Variants in SEPTIN9 observed in about 807,000 individuals in gnomAD.
SEPTIN9 encodes septin-9.
Under a neutral mutation model 56.6 loss-of-function variants are expected in SEPTIN9, and 13 were observed. That is an observed-to-expected ratio of 0.23 (90% confidence interval 0.15 to 0.37). The LOEUF (loss-of-function observed/expected upper bound fraction) is 0.37, where lower values mean the gene tolerates loss of function less well. Ranked by LOEUF, SEPTIN9 falls within the 10% of genes least tolerant of loss-of-function variation. The pLI, the probability that SEPTIN9 is intolerant of heterozygous loss-of-function variation, is 1.00. For synonymous variants in SEPTIN9, 332 were observed against 334.1 expected, an observed-to-expected ratio of 0.99 and a Z score of 0.07; for missense variants, 650 against 823.1, an observed-to-expected ratio of 0.79 and a Z score of 2.57.
At chr17:77,484,445 A>ATGG (rs759303678) in intron 4 of SEPTIN9, among the ~76,000 whole-genome samples, 1 of 61,550 alleles carries the variant, frequency 1.6e-5, no homozygotes, top group Non-Finnish European at 3.1e-5. Flanking sequence ...GATGGTGGTG[A>ATGG]TGGTGGTGGT....
At chr17:77,355,944 T>G (rs1195406342) in intron 2 of SEPTIN9, among the ~76,000 whole-genome samples, 8 of 139,458 alleles carry the variant, frequency 5.7e-5, no homozygotes, top group Non-Finnish European at 1.1e-4. Context: ...ATCGCGTCAC[T>G]GCACTCCAGC....
rs962515848 is a variant in SEPTIN9 at position 77,330,908 on chromosome 17, C to T, written c.76+23711C>T. 6.6e-6 allele frequency among the ~76,000 whole-genome samples: 1 copy of T among 152,264 alleles called. No homozygotes were observed. Among genetic ancestry groups the T allele is most frequent in the East Asian group, 1.9e-4 (1 of 5,198 alleles). On this transcript the variant is annotated intron_variant, in intron 2 of 11. Transcript: ENST00000427177. This position sits in a 1 kb window ranked among gnomAD's most constrained non-coding sequence, Gnocchi z 4.4. Reference sequence around the variant, plus strand: ...TTGGTCTCCCGCAATTCACCCTGCCCAGCCCCACACAGCTTGTCCCTCCAG... The same window carrying T: ...TTGGTCTCCCGCAATTCACCCTGCCTAGCCCCACACAGCTTGTCCCTCCAG...
Position 77,310,082 on chromosome 17 carries a change from G to A in SEPTIN9, c.76+2885G>A, listed in dbSNP as rs923132256. Among the ~76,000 whole-genome samples the A allele has an allele frequency of 6.6e-6, 1 of 151,950 alleles. No homozygotes were observed. The highest frequency in any genetic ancestry group is 2.4e-5 in the African/African-American group (1 of 41,362). On this transcript the variant is annotated intron_variant, in intron 2 of 11. Transcript: ENST00000427177. This position sits in a 1 kb window ranked among gnomAD's most constrained non-coding sequence, Gnocchi z 4.7. ...CAACCTCTGCCTCCTGGGTTCAAGC[G>A]ATTCTTCTGCCTCAGCCTCCTCAGT...
Position 77,405,146 on chromosome 17 carries a change from G to A in SEPTIN9, c.721+2443G>A, listed in dbSNP as rs771180068. 1.2e-4 allele frequency: 179 copies of A among 1,532,216 alleles called. No homozygotes were observed. The Middle Eastern group carries it at 1.3e-3, about 11-fold the overall frequency. 94.9% of individuals were successfully genotyped at this position (1,532,216 alleles called of 1,614,324 possible). ...GTCCTGGCTCTGGGGGACAGGTAGG[G>A]GGATGTCCATGGGGATGTACAAGAA... is the stretch of plus-strand genomic sequence containing the variant. On this transcript the variant is annotated intron_variant, in intron 3 of 11. Transcript: ENST00000427177. The surrounding 1 kb of genome is among the most constrained non-coding windows in gnomAD (Gnocchi z 5.8).
At chr17:77,295,890 T>C (rs534964920) in intron 1 of SEPTIN9, among the ~76,000 whole-genome samples, 2 of 151,782 alleles carry the variant, frequency 1.3e-5, no homozygotes, top group East Asian at 3.9e-4. Context: ...ATGAACATGG[T>C]TTCCCATTTG....
At position 77,475,167 on chromosome 17, in the gene SEPTIN9, GA is replaced by G; in HGVS notation, c.722-6976del. The G allele has an allele frequency of 8.0e-6, 9 of 1,121,612 alleles. No homozygotes were observed. In the Admixed American group the frequency reaches 1.3e-4, roughly 16 times the overall value. 69.5% of individuals were successfully genotyped at this position (1,121,612 alleles called of 1,614,324 possible). A position where few individuals can be genotyped will look rare whatever the true frequency, so the allele number is the denominator to read the frequency against. ...AAGAAAGCCGGGCTGGGGTGAGCGTGATGGATGAGGTGTCTGGCTTCACAAA... is the reference window on the plus strand; with the variant it reads ...AAGAAAGCCGGGCTGGGGTGAGCGTGTGGATGAGGTGTCTGGCTTCACAAA... On this transcript the variant is annotated intron_variant, in intron 3 of 11. Coordinates refer to ENST00000427177, the MANE Select transcript of SEPTIN9 (RefSeq NM_001113491.2). The surrounding 1 kb of genome is among the most constrained non-coding windows in gnomAD (Gnocchi z 4.6).
chr17:77,345,168 G>C (rs1173162874), intron 2 of SEPTIN9, among the ~76,000 whole-genome samples: 1 of 152,076 alleles, frequency 6.6e-6, no homozygotes, highest in Non-Finnish European at 1.5e-5. Flanking sequence ...TGGGGGAAGG[G>C]AGAATGAATG....
intron 1 of SEPTIN9, among the ~76,000 whole-genome samples, chr17:77,285,558 C>T (rs543676841): frequency 6.6e-6 from 1 of 152,184 alleles, no homozygotes; most frequent in South Asian, 2.1e-4. Context: ...CCACCGTGCC[C>T]AGCTAATTTT....
Position 77,307,076 on chromosome 17 carries a change from T to C in SEPTIN9, c.20-65T>C, listed in dbSNP as rs138141924. ...AAGGCGAGGACATTCCTGGTGTTAA[T>C]CATCCACCCGGAGGGAGAGCGCCAG... On this transcript the variant is annotated intron_variant, in intron 1 of 11. Coordinates refer to ENST00000427177, the MANE Select transcript of SEPTIN9 (RefSeq NM_001113491.2). 5.9e-4 allele frequency: 842 copies of C among 1,431,954 alleles called. 4 individuals carry two copies. The African/African-American group carries it at 1.0e-2, about 17-fold the overall frequency. The allele number at this position is 1,431,954 out of a possible 1,614,324, so 88.7% of individuals were successfully genotyped here. A position where few individuals can be genotyped will look rare whatever the true frequency, so the allele number is the denominator to read the frequency against.
At chr17:77,357,389 G>T (rs1408496618) in intron 2 of SEPTIN9, among the ~76,000 whole-genome samples, 1 of 152,082 alleles carries the variant, frequency 6.6e-6, no homozygotes, top group Non-Finnish European at 1.5e-5. Flanking sequence ...CAAAACACAT[G>T]GTCAAGTTGA....
intron 1 of SEPTIN9, among the ~76,000 whole-genome samples, chr17:77,303,123 CAG>C (rs1484611351): frequency 1.3e-5 from 2 of 151,816 alleles, no homozygotes; most frequent in Non-Finnish European, 2.9e-5. Context: ...TTTTTTGAAA[CAG>C]AGTCTTGCTC....
chr17:77,339,257 C>A (rs749976044), intron 2 of SEPTIN9, among the ~76,000 whole-genome samples: 2 of 152,202 alleles, frequency 1.3e-5, no homozygotes, highest in African/African-American at 4.8e-5. Flanking sequence ...TTTCAATTTA[C>A]TTTGCCCAGA....
rs2032833186 is a variant in SEPTIN9, at chr17:77,319,664, G to C, written c.76+12467G>C. The C allele has an allele frequency of 1.9e-6, 2 of 1,063,786 alleles. No homozygotes were observed. The highest frequency in any genetic ancestry group is 2.3e-6 in the Non-Finnish European group (2 of 878,374). The allele number at this position is 1,063,786 out of a possible 1,614,324, so 65.9% of individuals were successfully genotyped here. A position where few individuals can be genotyped will look rare whatever the true frequency, so the allele number is the denominator to read the frequency against. Reference sequence around the variant, plus strand: ...CACGTTGGGGTACAGGGTGAAGAAGGGCTGGGGCCAGCCCAGGACAGAGGA... The same window carrying C: ...CACGTTGGGGTACAGGGTGAAGAAGCGCTGGGGCCAGCCCAGGACAGAGGA... On this transcript the variant is annotated intron_variant, in intron 2 of 11. Coordinates refer to ENST00000427177, the MANE Select transcript of SEPTIN9 (RefSeq NM_001113491.2). The surrounding 1 kb of genome is among the most constrained non-coding windows in gnomAD (Gnocchi z 5.3).
At chr17:77,353,250 T>TG (rs1278300405) in intron 2 of SEPTIN9, among the ~76,000 whole-genome samples, 1 of 151,950 alleles carries the variant, frequency 6.6e-6, no homozygotes, top group African/African-American at 2.4e-5. Flanking sequence ...GGAGACTGGA[T>TG]GGGGTGGCTG....
At position 77,389,373 on chromosome 17, in the gene SEPTIN9, G is replaced by C. The variant is rs1158018450; in HGVS notation, c.77-12686G>C. On this transcript the variant is annotated intron_variant, in intron 2 of 11. Transcript: ENST00000427177. The surrounding 1 kb of genome is among the most constrained non-coding windows in gnomAD (Gnocchi z 4.3). ...CACGTTTCTCTGTCTCCAGAATCGA[G>C]GACGGAGAGCTGCCAGAGAGGCCCT... Among the ~76,000 whole-genome samples the C allele has an allele frequency of 6.6e-6, 1 of 152,176 alleles. No individual in the cohort carries two copies. The highest frequency in any genetic ancestry group is 1.5e-5 in the Non-Finnish European group (1 of 68,016).
chr17:77,422,287 A>G (rs2036733191), intron 3 of SEPTIN9, among the ~76,000 whole-genome samples: 1 of 152,132 alleles, frequency 6.6e-6, no homozygotes, highest in Non-Finnish European at 1.5e-5. Context: ...TCGTGACATC[A>G]GCAGGAGACT....
At position 77,425,066 on chromosome 17, in the gene SEPTIN9, G is replaced by A. The variant is rs1238133502; in HGVS notation, c.721+22363G>A. On this transcript the variant is annotated intron_variant, in intron 3 of 11. Coordinates refer to ENST00000427177, the MANE Select transcript of SEPTIN9 (RefSeq NM_001113491.2). The surrounding 1 kb of genome is among the most constrained non-coding windows in gnomAD (Gnocchi z 4.2). Reference sequence around the variant, plus strand: ...GGAAGTCTAGCGTCCTTCATGCAAAGTGGGCAGGCGGCCAAAGTGAGCTCT... The same window carrying A: ...GGAAGTCTAGCGTCCTTCATGCAAAATGGGCAGGCGGCCAAAGTGAGCTCT... 3.9e-5 allele frequency among the ~76,000 whole-genome samples: 6 copies of A among 152,212 alleles called. No homozygotes were observed. Among genetic ancestry groups the A allele is most frequent in the Non-Finnish European group, 1.5e-5 (1 of 68,034 alleles).
At position 77,335,263 on chromosome 17, in the gene SEPTIN9, C is replaced by A. The variant is rs562915940; in HGVS notation, c.76+28066C>A. 6.3e-4 allele frequency among the ~76,000 whole-genome samples: 95 copies of A among 149,882 alleles called. No homozygotes were observed. In the South Asian group the frequency reaches 0.02, roughly 32 times the overall value. ...ATATGTACATATATACATATAGGCC[C>A]CGTGTTGACTGTATATGTGGTCCTG... On this transcript the variant is annotated intron_variant, in intron 2 of 11. Coordinates refer to ENST00000427177, the MANE Select transcript of SEPTIN9 (RefSeq NM_001113491.2).
In SEPTIN9 at chr17:77,494,597, T is replaced by G. The variant is rs866609700; in HGVS notation, c.1573+1521T>G. On this transcript the variant is annotated intron_variant, in intron 10 of 11. Transcript: ENST00000427177. ...TGTTGCTCTAAAAAAATGGTCATAA[T>G]GACAATTACCAGGAGGCATCAGACA... Among the ~76,000 whole-genome samples, 4 of 152,324 alleles carry G rather than the reference T, an allele frequency of 2.6e-5. No homozygotes were observed. In the South Asian group the frequency reaches 8.3e-4, roughly 32 times the overall value.
Sources: gnomAD v4.1 joint callset for allele counts (sites outside exome capture counted in the v4.1 genomes callset) on GRCh38, gnomAD v4.1.1 for gene constraint, Gnocchi (gnomAD v3.1) non-coding constraint, MANE v1.5 for transcripts, NCBI Gene and HGNC (gene_info 2026-07-23, HGNC 2026-07-21) for gene names.